The following BMPER variants were observed in gnomAD, a reference collection of about 807,000 sequenced individuals.
The protein encoded by BMPER is BMP-binding endothelial regulator protein.
BMPER carries 45 observed loss-of-function variants against 87.3 expected under a neutral mutation model. That is an observed-to-expected ratio of 0.52 (90% confidence interval 0.41 to 0.66). The LOEUF (loss-of-function observed/expected upper bound fraction) is 0.66. Among genes scored for constraint, BMPER ranks in the 30% least tolerant of loss-of-function variants. The pLI is 0.00. For missense variants in BMPER, 784 were observed against 867.5 expected (o/e 0.90, Z 1.21); for synonymous variants, 326 against 316.2 (o/e 1.03, Z -0.33).
At chr7:34,115,419 A>G (rs981658056) in intron 13 of BMPER, among the ~76,000 whole-genome samples, 9 of 152,226 alleles carry the variant, frequency 5.9e-5, no homozygotes, top group African/African-American at 1.9e-4. Context: ...AGCTATGTGC[A>G]TATAAAATTG....
intron 11 of BMPER, among the ~76,000 whole-genome samples, chr7:34,065,101 A>C (rs1788540775): frequency 6.6e-6 from 1 of 152,154 alleles, no homozygotes; most frequent in Admixed American, 6.5e-5. Context: ...AACTACAAAA[A>C]AGTCTAGTGT....
chr7:34,135,816 C>T (rs1223354353), intron 13 of BMPER, among the ~76,000 whole-genome samples: 1 of 152,168 alleles, frequency 6.6e-6, no homozygotes, highest in African/African-American at 2.4e-5. Context: ...ACAAACAGAG[C>T]TCCATGAGTG....
intron 13 of BMPER, among the ~76,000 whole-genome samples, chr7:34,106,856 A>G (rs1332842302): frequency 1.3e-5 from 2 of 152,118 alleles, no homozygotes; most frequent in East Asian, 3.8e-4. Flanking sequence ...GTTGTGCCTC[A>G]GGCCATTTTT....
rs1791296180 is a variant in BMPER at position 34,156,096 on chromosome 7, C to G, written c.*2823C>G. Among the ~76,000 whole-genome samples the G allele has an allele frequency of 1.3e-5, 2 of 152,198 alleles. No homozygotes were observed. The highest frequency in any genetic ancestry group is 1.3e-4 in the Admixed American group (2 of 15,282). On this transcript the variant is annotated 3_prime_UTR_variant, in exon 15 of 15. Transcript: ENST00000649409. ...ACTGTGGTACACTAAGAATCACTAA[C>G]TCTTCAGGTTGAAGGCCTCACTCAT...
chr7:34,147,358 G>T (rs954035701), intron 14 of BMPER, among the ~76,000 whole-genome samples: 1 of 152,232 alleles, frequency 6.6e-6, no homozygotes, highest in Admixed American at 6.5e-5. Flanking sequence ...CTGATTGAAT[G>T]TATTGATAAA....
chr7:33,906,747 A>T, intron 1 of BMPER, 71 bp from the exon 2 acceptor site: 1 of 1,417,292 alleles, frequency 7.1e-7, no homozygotes, highest in Non-Finnish European at 9.9e-7. Context: ...GATTAGTGTA[A>T]AAATTTTAAA....
chr7:34,046,229 T>C, intron 6 of BMPER, 77 bp from the exon 7 acceptor site: 1 of 1,381,248 alleles, frequency 7.2e-7, no homozygotes, highest in Non-Finnish European at 1.0e-6. Flanking sequence ...GCCTTAGGTT[T>C]GTTCTAGATA....
rs750210912 is a variant in BMPER, at chr7:34,085,899, G to C, written c.1552G>C (p.Asp518His). The change falls in exon 13 of 15, where the codon GAT (aspartate) becomes CAT (histidine). Residue 518 changes from aspartate (D) to histidine (H), a missense_variant. Transcript: ENST00000649409. ...LIGGDGNFKFDVDDFAESWRV... is the reference protein window; with the variant it reads ...LIGGDGNFKFHVDDFAESWRV... ...TGGTGGAGATGGAAACTTCAAGTTT[G>C]ATGTGGATGACTTTGCTGAATCTTG... 6.2e-7 allele frequency: 1 copy of C among 1,614,148 alleles called. No homozygotes were observed. Among genetic ancestry groups the C allele is most frequent in the South Asian group, 1.1e-5 (1 of 91,076 alleles).
chr7:34,120,207 T>C lies in BMPER; in HGVS notation c.1746-23023T>C, dbSNP rs529718707. Among the ~76,000 whole-genome samples, 40 of 152,294 alleles carry C rather than the reference T, an allele frequency of 2.6e-4. No homozygotes were observed. The South Asian group carries it at 8.1e-3, about 31-fold the overall frequency. On this transcript the variant is annotated intron_variant, in intron 13 of 14. Transcript: ENST00000649409. ...GAAATTGTGTGATTTAATAGACATA[T>C]TTAAAACCCTGCATTCAAGAGAAGA...
chr7:33,906,977 T>C (rs561468005), intron 2 of BMPER, 74 bp downstream of exon 2: 2 of 1,331,708 alleles, frequency 1.5e-6, no homozygotes, highest in African/African-American at 1.4e-5. Context: ...TGTGATAATA[T>C]AACCAGATCT....
At chr7:34,012,563 C>G (rs1007843253) in intron 6 of BMPER, among the ~76,000 whole-genome samples, 1 of 151,842 alleles carries the variant, frequency 6.6e-6, no homozygotes, top group Non-Finnish European at 1.5e-5. Context: ...CACAGAAAAC[C>G]AGACACAATT....
intron 6 of BMPER, among the ~76,000 whole-genome samples, chr7:33,987,018 A>G (rs1786030268): frequency 6.6e-6 from 1 of 151,570 alleles, no homozygotes; most frequent in Admixed American, 6.6e-5. Flanking sequence ...GTCCTACTTG[A>G]GCTTCCCCTC....
chr7:33,999,683 T>G (rs868692334), intron 6 of BMPER, among the ~76,000 whole-genome samples: 2 of 152,232 alleles, frequency 1.3e-5, no homozygotes, highest in African/African-American at 4.8e-5. Context: ...CTGCTCAGTT[T>G]CTGACCTTCC....
chr7:33,997,789 A>G (rs1786458724), intron 6 of BMPER, among the ~76,000 whole-genome samples: 1 of 152,136 alleles, frequency 6.6e-6, no homozygotes, highest in African/African-American at 2.4e-5. Flanking sequence ...ACTCTTCCCC[A>G]GATGCCCACA....
At chr7:34,094,018 C>G (rs1033497569) in intron 13 of BMPER, among the ~76,000 whole-genome samples, 1 of 152,168 alleles carries the variant, frequency 6.6e-6, no homozygotes, top group Non-Finnish European at 1.5e-5. Context: ...AGGTCGCCTG[C>G]GCAGCTGAGC....
intron 6 of BMPER, among the ~76,000 whole-genome samples, chr7:34,031,483 G>A (rs1233450124): frequency 1.3e-5 from 2 of 152,030 alleles, no homozygotes; most frequent in African/African-American, 2.4e-5. Flanking sequence ...ATACATGGGT[G>A]ATGTATACAC....
intron 13 of BMPER, among the ~76,000 whole-genome samples, chr7:34,093,780 C>T (rs897510287): frequency 1.3e-5 from 2 of 152,176 alleles, no homozygotes; most frequent in Non-Finnish European, 1.5e-5. Flanking sequence ...GAATAAGTGT[C>T]ACTGTAGCAG....
intron 13 of BMPER, among the ~76,000 whole-genome samples, chr7:34,097,510 T>A (rs532186049): frequency 6.6e-6 from 1 of 152,338 alleles, no homozygotes; most frequent in African/African-American, 2.4e-5. Context: ...CATTTATTTC[T>A]CAAGTAGTTT....
At chr7:33,937,918 A>G (rs1784648775) in intron 3 of BMPER, among the ~76,000 whole-genome samples, 1 of 151,822 alleles carries the variant, frequency 6.6e-6, no homozygotes, top group South Asian at 2.1e-4. Context: ...CTCATTTTCC[A>G]TCACCCTCCA....
Sources: gnomAD v4.1 joint callset for allele counts (sites outside exome capture counted in the v4.1 genomes callset) on GRCh38, gnomAD v4.1.1 for gene constraint, MANE v1.5 for transcripts, NCBI Gene and HGNC (gene_info 2026-07-23, HGNC 2026-07-21) for gene names.